The following LHFPL3 variants were observed in gnomAD, a reference collection of about 807,000 sequenced individuals.
LHFPL3 encodes the protein LHFPL tetraspan subfamily member 3.
Under a neutral mutation model 19.3 loss-of-function variants are expected in LHFPL3, and 5 were observed. The ratio of observed to expected loss-of-function variants is 0.26; its 90% CI spans 0.14 to 0.54. The LOEUF (loss-of-function observed/expected upper bound fraction) is 0.54. Ranked by LOEUF, LHFPL3 falls within the 20% of genes least tolerant of loss-of-function variation. The probability of loss-of-function intolerance (pLI) is 0.94; values close to 1 mark genes in which losing one functional copy is unlikely to be tolerated. For missense variants in LHFPL3, 249 were observed against 307.4 expected (o/e 0.81, Z 1.42); for synonymous variants, 133 against 126.2 (o/e 1.05, Z -0.36).
chr7:104,553,243 G>A (rs1269153233), intron 1 of LHFPL3, among the ~76,000 whole-genome samples: 1 of 152,068 alleles, frequency 6.6e-6, no homozygotes, highest in African/African-American at 2.4e-5. Context: ...CATTCTTAGA[G>A]TTCACACCCT....
intron 1 of LHFPL3, among the ~76,000 whole-genome samples, chr7:104,574,379 A>G (rs1020893313): frequency 6.6e-6 from 1 of 152,226 alleles, no homozygotes; most frequent in African/African-American, 2.4e-5. Flanking sequence ...GTCCTATAAT[A>G]TCATTAATGG....
At chr7:104,488,703 G>A (rs144294865) in intron 1 of LHFPL3, among the ~76,000 whole-genome samples, 24 of 152,228 alleles carry the variant, frequency 1.6e-4, no homozygotes, top group African/African-American at 4.1e-4. Context: ...GCATCTAGAC[G>A]GATAGCAACA....
At chr7:104,859,601 G>A (rs190415005) in intron 2 of LHFPL3, among the ~76,000 whole-genome samples, 47 of 152,176 alleles carry the variant, frequency 3.1e-4, no homozygotes, top group South Asian at 1.9e-3. Flanking sequence ...CCCGGAAGGC[G>A]GAGGTTTCGG....
chr7:104,747,199 G>T (rs554464713), intron 2 of LHFPL3, among the ~76,000 whole-genome samples: 1 of 152,280 alleles, frequency 6.6e-6, no homozygotes, highest in Admixed American at 6.5e-5. Flanking sequence ...AGCTATTTCT[G>T]CAAGTTCGAT....
intron 2 of LHFPL3, among the ~76,000 whole-genome samples, chr7:104,778,683 G>A (rs1242035839): frequency 6.6e-6 from 1 of 152,138 alleles, no homozygotes; most frequent in Non-Finnish European, 1.5e-5. Context: ...CCACTTCTCC[G>A]CCCGTGGAAC....
intron 1 of LHFPL3, among the ~76,000 whole-genome samples, chr7:104,488,529 G>GTC (rs151004429): frequency 1.8e-4 from 27 of 150,858 alleles, no homozygotes; most frequent in East Asian, 7.8e-4. Flanking sequence ...TGTATAATCT[G>GTC]TCTCTCTCTC....
intron 1 of LHFPL3, among the ~76,000 whole-genome samples, chr7:104,481,354 C>T (rs1032585137): frequency 6.6e-6 from 1 of 152,172 alleles, no homozygotes; most frequent in Non-Finnish European, 1.5e-5. Flanking sequence ...CATGTCTTTT[C>T]ACTGATCTTG....
chr7:104,429,650 C>T (rs1169345061), intron 1 of LHFPL3, among the ~76,000 whole-genome samples: 1 of 151,944 alleles, frequency 6.6e-6, no homozygotes, highest in Non-Finnish European at 1.5e-5. Flanking sequence ...GCAAAAAGGT[C>T]AGAATCTTAG....
At chr7:104,694,769 G>A (rs1349000582) in intron 1 of LHFPL3, among the ~76,000 whole-genome samples, 1 of 152,194 alleles carries the variant, frequency 6.6e-6, no homozygotes, top group Non-Finnish European at 1.5e-5. Flanking sequence ...ATATATTAGA[G>A]AAGGAATGAA....
At position 104,454,633 on chromosome 7, in the gene LHFPL3, A is replaced by T. The variant is rs147390216; in HGVS notation, c.445+125409A>T. On this transcript the variant is annotated intron_variant, in intron 1 of 2. Coordinates refer to ENST00000424859, the MANE Select transcript of LHFPL3 (RefSeq NM_199000.3). ...GTGAGACTCTGTCTTCACCTGTAAA[A>T]TGGGGATAGTAACTGTTCAGGGTTA... Among the ~76,000 whole-genome samples the T allele has an allele frequency of 2.0e-5, 3 of 152,244 alleles. No homozygotes were observed. In the East Asian group the frequency reaches 5.8e-4, roughly 29 times the overall value.
chr7:104,856,701 A>G (rs966780677), intron 2 of LHFPL3, among the ~76,000 whole-genome samples: 1 of 152,254 alleles, frequency 6.6e-6, no homozygotes, highest in African/African-American at 2.4e-5. Flanking sequence ...TCACTTGCTT[A>G]GTAGAATGAA....
At chr7:104,469,179 G>T (rs1212767210) in intron 1 of LHFPL3, among the ~76,000 whole-genome samples, 1 of 152,204 alleles carries the variant, frequency 6.6e-6, no homozygotes, top group East Asian at 1.9e-4. Context: ...ACTGGCTGCT[G>T]CAGATTATTA....
chr7:104,390,490 A>G (rs1191348320), intron 1 of LHFPL3, among the ~76,000 whole-genome samples: 5 of 152,144 alleles, frequency 3.3e-5, no homozygotes, highest in Non-Finnish European at 7.3e-5. Context: ...TTCCAGCTCC[A>G]TGTCCCTACA....
At position 104,620,167 on chromosome 7, in the gene LHFPL3, A is replaced by C. The variant is rs139914604; in HGVS notation, c.446-116508A>C. Reference sequence around the variant, plus strand: ...CATGTGATAAGGGTAAGAACACAGCACTCAAGGGACCCTAAGACAAGCCTG... The same window carrying C: ...CATGTGATAAGGGTAAGAACACAGCCCTCAAGGGACCCTAAGACAAGCCTG... On this transcript the variant is annotated intron_variant, in intron 1 of 2. Transcript: ENST00000424859. Among the ~76,000 whole-genome samples, 196 of 152,232 alleles carry C rather than the reference A, an allele frequency of 1.3e-3. 1 individual carries two copies. The highest frequency in any genetic ancestry group is 4.5e-3 in the African/African-American group (188 of 41,536).
At chr7:104,845,221 T>G (rs1266022741) in intron 2 of LHFPL3, among the ~76,000 whole-genome samples, 1 of 152,226 alleles carries the variant, frequency 6.6e-6, no homozygotes, top group East Asian at 1.9e-4. Context: ...CTCTCAGGAC[T>G]GTGATTTTCC....
intron 1 of LHFPL3, among the ~76,000 whole-genome samples, chr7:104,518,645 A>G (rs111688091): frequency 0.018 from 2,685 of 152,278 alleles, 74 homozygotes; most frequent in African/African-American, 0.062. Context: ...TTAGCCAGGC[A>G]TAGTGGCAGG....
chr7:104,759,329 C>T (rs1794336209), intron 2 of LHFPL3, among the ~76,000 whole-genome samples: 1 of 152,028 alleles, frequency 6.6e-6, no homozygotes, highest in Non-Finnish European at 1.5e-5. Flanking sequence ...CTGTGAGCCA[C>T]ATATGTGCTT....
chr7:104,746,207 G>A (rs1794043317), intron 2 of LHFPL3, among the ~76,000 whole-genome samples: 1 of 152,126 alleles, frequency 6.6e-6, no homozygotes, highest in Non-Finnish European at 1.5e-5. Flanking sequence ...AGATACTTGG[G>A]AGGCTGAGGC....
intron 1 of LHFPL3, among the ~76,000 whole-genome samples, chr7:104,384,287 A>G (rs1790890541): frequency 6.6e-6 from 1 of 152,186 alleles, no homozygotes; most frequent in South Asian, 2.1e-4. Context: ...ACAGCAAAGG[A>G]AAAAGAGAAT....
Sources: gnomAD v4.1 joint callset for allele counts (sites outside exome capture counted in the v4.1 genomes callset) on GRCh38, gnomAD v4.1.1 for gene constraint, MANE v1.5 for transcripts, NCBI Gene and HGNC (gene_info 2026-07-23, HGNC 2026-07-21) for gene names.